PLCL1: variants seen among roughly 807,000 people sequenced by gnomAD.
PLCL1 encodes the protein phospholipase C like 1 (inactive).
PLCL1 carries 41 observed loss-of-function variants against 84.4 expected under a neutral mutation model. The ratio of observed to expected loss-of-function variants is 0.49; its 90% CI spans 0.38 to 0.63. The LOEUF (loss-of-function observed/expected upper bound fraction) is 0.63. Ranked by LOEUF, PLCL1 falls within the 30% of genes least tolerant of loss-of-function variation. PLCL1 has a pLI of 0.00. For synonymous variants in PLCL1, 490 were observed against 488.3 expected (o/e 1.00, Z -0.05); for missense variants, 1,206 against 1,367.8 (o/e 0.88, Z 1.87).
At chr2:198,143,541 G>A (rs570821306) in intron 5 of PLCL1, among the ~76,000 whole-genome samples, 1 of 152,168 alleles carries the variant, frequency 6.6e-6, no homozygotes, top group Non-Finnish European at 1.5e-5. Flanking sequence ...GTTTGGGGGT[G>A]TTTGTGACAG....
intron 1 of PLCL1, among the ~76,000 whole-genome samples, chr2:197,807,009 A>C (rs1427241237): frequency 1.3e-5 from 2 of 152,150 alleles, no homozygotes; most frequent in Non-Finnish European, 2.9e-5. Flanking sequence ...ACAAAAAAGG[A>C]GGGAGACAAC....
intron 5 of PLCL1, among the ~76,000 whole-genome samples, chr2:198,130,521 G>C (rs1290267411): frequency 1.3e-5 from 2 of 151,968 alleles, no homozygotes; most frequent in Admixed American, 1.3e-4. Context: ...CTCCCATATA[G>C]TTTATATATC....
At chr2:198,019,293 G>T (rs938672869) in intron 1 of PLCL1, among the ~76,000 whole-genome samples, 1 of 152,180 alleles carries the variant, frequency 6.6e-6, no homozygotes, top group Non-Finnish European at 1.5e-5. Context: ...AGCATAAAAA[G>T]GGTGAAAATT....
chr2:198,125,538 T>A (rs565748722), intron 5 of PLCL1, among the ~76,000 whole-genome samples: 129 of 152,192 alleles, frequency 8.5e-4, no homozygotes, highest in Non-Finnish European at 1.4e-3. Context: ...CAATTCCCAT[T>A]TTTTTTCAAG....
intron 5 of PLCL1, among the ~76,000 whole-genome samples, chr2:198,130,740 T>C (rs1694099936): frequency 6.6e-6 from 1 of 152,114 alleles, no homozygotes; most frequent in African/African-American, 2.4e-5. Context: ...TCTCCACCTC[T>C]AATTGGTTAG....
intron 1 of PLCL1, among the ~76,000 whole-genome samples, chr2:198,008,489 C>T (rs189922773): frequency 3.3e-5 from 5 of 151,752 alleles, no homozygotes; most frequent in East Asian, 1.9e-4. Flanking sequence ...TTTCACTTAA[C>T]GTAATGTCCT....
chr2:198,085,827 G>T lies in PLCL1; in HGVS notation c.2310G>T (p.Gln770His). 6.2e-7 allele frequency: 1 copy of T among 1,614,130 alleles called. No individual in the cohort carries two copies. The highest frequency in any genetic ancestry group is 1.1e-5 in the South Asian group (1 of 91,074). ...CGGAACAAAGAACTAAAACTGTACA[G>T]CAAAACAGTGATAATCCTATTTTTG... ...DCSEQRTKTVQQNSDNPIFDE... is the reference protein window; with the variant it reads ...DCSEQRTKTVHQNSDNPIFDE... Residue 770 changes from glutamine (Q) to histidine (H), a missense_variant, in exon 2 of 6, where the codon CAG (glutamine) becomes CAT (histidine). By Grantham distance (24) the Gln-to-His change is conservative. Coordinates refer to ENST00000428675, the MANE Select transcript of PLCL1 (RefSeq NM_006226.4). This position sits in a 1 kb window ranked among gnomAD's most constrained non-coding sequence, Gnocchi z 5.3.
chr2:198,020,205 A>G (rs545311795), intron 1 of PLCL1, among the ~76,000 whole-genome samples: 28 of 152,330 alleles, frequency 1.8e-4, no homozygotes, highest in African/African-American at 6.5e-4. Flanking sequence ...TTTTGTCACC[A>G]CCAGGCCTGA....
At chr2:197,894,072 G>C (rs559323930) in intron 1 of PLCL1, among the ~76,000 whole-genome samples, 1 of 151,978 alleles carries the variant, frequency 6.6e-6, no homozygotes, top group East Asian at 1.9e-4. Flanking sequence ...ATCAGGAAAA[G>C]AAAAAGCTGC....
intron 1 of PLCL1, among the ~76,000 whole-genome samples, chr2:197,897,178 T>C (rs1434809025): frequency 3.1e-5 from 1 of 32,778 alleles, no homozygotes; most frequent in Non-Finnish European, 5.6e-5. Flanking sequence ...CTTCTTCTTC[T>C]TCTTCTTCTT....
intron 1 of PLCL1, among the ~76,000 whole-genome samples, chr2:197,955,553 A>G (rs1183047025): frequency 1.3e-5 from 2 of 148,854 alleles, no homozygotes; most frequent in Non-Finnish European, 3.0e-5. Flanking sequence ...CCCATCCCCC[A>G]TCAGGCCCTG....
chr2:198,125,083 T>C (rs1254716807), intron 5 of PLCL1, among the ~76,000 whole-genome samples: 1 of 152,146 alleles, frequency 6.6e-6, no homozygotes, highest in Admixed American at 6.5e-5. Flanking sequence ...GAATGCTATC[T>C]GGGCTCTAGA....
intron 1 of PLCL1, among the ~76,000 whole-genome samples, chr2:197,828,684 A>G (rs1690985788): frequency 6.6e-6 from 1 of 152,158 alleles, no homozygotes; most frequent in South Asian, 2.1e-4. Flanking sequence ...GATTGCTGAG[A>G]TCAATTTTAT....
At chr2:198,095,955 A>G (rs1693180283) in intron 3 of PLCL1, among the ~76,000 whole-genome samples, 1 of 152,246 alleles carries the variant, frequency 6.6e-6, no homozygotes, top group Non-Finnish European at 1.5e-5. Context: ...GAAAATGTGT[A>G]GGAACACATA....
intron 1 of PLCL1, among the ~76,000 whole-genome samples, chr2:198,065,702 A>T (rs1296490220): frequency 2.0e-5 from 3 of 152,222 alleles, no homozygotes; most frequent in African/African-American, 7.2e-5. Flanking sequence ...TAAATAATTT[A>T]ATAGAACTTA....
chr2:197,869,757 C>T (rs1687614930), intron 1 of PLCL1, among the ~76,000 whole-genome samples: 1 of 152,126 alleles, frequency 6.6e-6, no homozygotes, highest in Non-Finnish European at 1.5e-5. Flanking sequence ...GTTTTAATCC[C>T]TCCTCACCTC....
At position 198,146,835 on chromosome 2, in the gene PLCL1, A is replaced by C; in HGVS notation, c.3161A>C (p.Gln1054Pro). ...AATGAAGCTATAGAAAACATGAAGC[A>C]GATCCAGCTGGCATGCCTGTCCTGT... is the stretch of plus-strand genomic sequence containing the variant. ...AKNEAIENMK[Q>P]IQLACLSCGL... The change falls in exon 6 of 6, where the codon CAG (glutamine) becomes CCG (proline). Residue 1054 changes from glutamine to proline, a missense_variant. Gln to Pro is a moderately conservative substitution (Grantham distance 76, BLOSUM62 -1). Transcript: ENST00000428675. The C allele has an allele frequency of 6.2e-7, 1 of 1,613,636 alleles. No individual in the cohort carries two copies. Among genetic ancestry groups the C allele is most frequent in the Non-Finnish European group, 8.5e-7 (1 of 1,179,728 alleles).
At chr2:198,027,048 G>T (rs1691284649) in intron 1 of PLCL1, among the ~76,000 whole-genome samples, 1 of 152,108 alleles carries the variant, frequency 6.6e-6, no homozygotes, top group Admixed American at 6.6e-5. Flanking sequence ...ATGTTGAAAA[G>T]ATATAGCTGC....
At chr2:197,930,584 T>C (rs1184490970) in intron 1 of PLCL1, among the ~76,000 whole-genome samples, 1 of 152,076 alleles carries the variant, frequency 6.6e-6, no homozygotes. Flanking sequence ...CTTTGATGCT[T>C]TTCATTTCCT....
Sources: allele counts gnomAD v4.1 joint callset (sites outside exome capture counted in the v4.1 genomes callset), GRCh38; gene constraint gnomAD v4.1.1; non-coding constraint Gnocchi (gnomAD v3.1); transcripts MANE v1.5; gene names NCBI Gene and HGNC (gene_info 2026-07-23, HGNC 2026-07-21).